PTPN4: variants seen among roughly 807,000 people sequenced by gnomAD.
PTPN4 encodes protein tyrosine phosphatase non-receptor type 4.
PTPN4 carries 49 observed loss-of-function variants against 135.5 expected under a neutral mutation model. That is an observed-to-expected ratio of 0.36 (90% CI 0.29 to 0.46). The LOEUF is 0.46. Ranked by LOEUF, PTPN4 falls within the 20% of genes least tolerant of loss-of-function variation. The probability of loss-of-function intolerance (pLI) is 1.00; values close to 1 mark genes in which losing one functional copy is unlikely to be tolerated. For synonymous variants in PTPN4, 333 were observed against 369.9 expected, an observed-to-expected ratio of 0.90 and a Z score of 1.14; for missense variants, 860 against 1,101.0, an observed-to-expected ratio of 0.78 and a Z score of 3.10.
chr2:119,944,091 A>G (rs1385183969), intron 15 of PTPN4, among the ~76,000 whole-genome samples: 2 of 152,114 alleles, frequency 1.3e-5, no homozygotes, highest in African/African-American at 4.8e-5. Context: ...CCGTTAGTCA[A>G]CAGAAGAGCA....
intron 1 of PTPN4, among the ~76,000 whole-genome samples, chr2:119,788,990 A>G (rs919236162): frequency 6.6e-6 from 1 of 151,874 alleles, no homozygotes; most frequent in Non-Finnish European, 1.5e-5. Flanking sequence ...TTGAGGAACA[A>G]CTCTACTGTT....
At chr2:119,793,846 G>GTTTTTTTTTTTTTTTTTTTTTTT (rs55956611) in intron 1 of PTPN4, among the ~76,000 whole-genome samples, 10 of 24,800 alleles carry the variant, frequency 4.0e-4, no homozygotes, top group South Asian at 4.2e-3. Flanking sequence ...TTCATTTTTA[G>GTTTTTTTTTTTTTTTTTTTTTTT]TTTTTTTTTT....
At position 119,795,020 on chromosome 2, in the gene PTPN4, C is replaced by T. The variant is rs562530569; in HGVS notation, c.-17-14817C>T. On this transcript the variant is annotated intron_variant, in intron 1 of 26. Coordinates refer to ENST00000263708, the MANE Select transcript of PTPN4 (RefSeq NM_002830.4). ...ATCCCATTGTTTCTTCAGCTCTCAG[C>T]GGAGAGGGTAGTTCTTCTTGGCTGC... 9.7e-4 allele frequency among the ~76,000 whole-genome samples: 147 copies of T among 152,250 alleles called. 1 individual carries two copies. The highest frequency in any genetic ancestry group is 1.9e-3 in the Non-Finnish European group (128 of 68,004).
chr2:119,815,069 G>A (rs183092399), intron 2 of PTPN4, among the ~76,000 whole-genome samples: 1 of 152,190 alleles, frequency 6.6e-6, no homozygotes, highest in Non-Finnish European at 1.5e-5. Flanking sequence ...GTTTCATCAG[G>A]CATATAGTTC....
intron 1 of PTPN4, among the ~76,000 whole-genome samples, chr2:119,806,688 A>G (rs1337988878): frequency 6.6e-6 from 1 of 152,074 alleles, no homozygotes; most frequent in Non-Finnish European, 1.5e-5. Flanking sequence ...GGTTAGAAAG[A>G]ATATCCAGGA....
intron 15 of PTPN4, among the ~76,000 whole-genome samples, chr2:119,939,993 C>T (rs1031440090): frequency 3.3e-5 from 5 of 152,220 alleles, no homozygotes; most frequent in African/African-American, 1.2e-4. Context: ...TCCCCGGACA[C>T]TGTAGCTGCA....
intron 9 of PTPN4, among the ~76,000 whole-genome samples, chr2:119,888,153 C>T (rs1050682903): frequency 2.0e-5 from 3 of 152,044 alleles, no homozygotes; most frequent in African/African-American, 7.2e-5. Flanking sequence ...TGATTTCTTT[C>T]TCAGCTAGAT....
At chr2:119,932,270 G>T in intron 13 of PTPN4, 154 bp from the exon 14 acceptor site, 1 of 637,310 alleles carries the variant, frequency 1.6e-6, no homozygotes, top group South Asian at 2.9e-5. Flanking sequence ...GAAGTTATTT[G>T]GTAAATAGCC....
chr2:119,773,869 G>A (rs1039011994), intron 1 of PTPN4, among the ~76,000 whole-genome samples: 4 of 151,792 alleles, frequency 2.6e-5, no homozygotes, highest in East Asian at 3.9e-4. Flanking sequence ...AAAATTTAAC[G>A]AAACTCACAC....
intron 5 of PTPN4, among the ~76,000 whole-genome samples, chr2:119,877,749 G>A (rs1287599129): frequency 6.6e-6 from 1 of 152,160 alleles, no homozygotes; most frequent in Non-Finnish European, 1.5e-5. Flanking sequence ...CCTCAGGGCT[G>A]CCCAGTCCAG....
intron 2 of PTPN4, among the ~76,000 whole-genome samples, chr2:119,840,036 C>CT (rs938052572): frequency 1.2e-4 from 18 of 152,166 alleles, no homozygotes; most frequent in African/African-American, 4.1e-4. Flanking sequence ...TATTTAAATA[C>CT]TTTTTTTTCC....
chr2:119,968,075 T>A (rs1679471120), intron 26 of PTPN4, 103 bp downstream of exon 26: 5 of 1,007,904 alleles, frequency 5.0e-6, no homozygotes. Flanking sequence ...ATCTTTTCAA[T>A]TCCTTGCCAT....
At chr2:119,932,333 C>A in intron 13 of PTPN4, 91 bp from the exon 14 acceptor site, 1 of 1,289,078 alleles carries the variant, frequency 7.8e-7, no homozygotes, top group Non-Finnish European at 1.1e-6. Context: ...TCATCTAGAA[C>A]ATAATCTCTG....
chr2:119,763,905 C>T (rs187395266), intron 1 of PTPN4, among the ~76,000 whole-genome samples: 63 of 152,294 alleles, frequency 4.1e-4, no homozygotes, highest in Admixed American at 3.6e-3. Context: ...ATTTAATCTT[C>T]CACTGGTTTA....
chr2:119,956,968 T>C (rs759582312), intron 21 of PTPN4, 34 bp downstream of exon 21: 2 of 1,603,568 alleles, frequency 1.2e-6, no homozygotes. Flanking sequence ...AAATTTAATC[T>C]TTTAAACATA....
At chr2:119,905,223 C>T (rs996918260) in intron 10 of PTPN4, among the ~76,000 whole-genome samples, 1 of 152,038 alleles carries the variant, frequency 6.6e-6, no homozygotes, top group African/African-American at 2.4e-5. Flanking sequence ...AAAAAGAAGA[C>T]CGAATTCTAT....
At chr2:119,950,342 A>G (rs1325137595) in intron 18 of PTPN4, among the ~76,000 whole-genome samples, 2 of 152,240 alleles carry the variant, frequency 1.3e-5, no homozygotes, top group Non-Finnish European at 2.9e-5. Context: ...CTACATAAGT[A>G]GACAAAAAAG....
At chr2:119,878,614 A>G (rs1678019734) in intron 5 of PTPN4, among the ~76,000 whole-genome samples, 1 of 151,884 alleles carries the variant, frequency 6.6e-6, no homozygotes, top group African/African-American at 2.4e-5. Flanking sequence ...TAGTAAACCA[A>G]GTGAGAAAAA....
intron 3 of PTPN4, among the ~76,000 whole-genome samples, chr2:119,871,069 A>G (rs1476132543): frequency 1.3e-5 from 2 of 151,398 alleles, no homozygotes; most frequent in Non-Finnish European, 2.9e-5. Context: ...GGAAGATAGC[A>G]TGAACAGAAG....
Sources: gnomAD v4.1 joint callset for allele counts (sites outside exome capture counted in the v4.1 genomes callset) on GRCh38, gnomAD v4.1.1 for gene constraint, MANE v1.5 for transcripts, NCBI Gene and HGNC (gene_info 2026-07-23, HGNC 2026-07-21) for gene names.